Variants in TRIM37 observed in about 807,000 individuals in gnomAD.
The protein encoded by TRIM37 is E3 ubiquitin-protein ligase TRIM37.
TRIM37 carries 80 observed loss-of-function variants against 129.8 expected under a neutral mutation model. The observed-to-expected ratio is 0.62, with a 90% confidence interval of 0.51 to 0.74. The LOEUF (loss-of-function observed/expected upper bound fraction) is 0.74. Ranked by LOEUF, TRIM37 falls within the 30% of genes least tolerant of loss-of-function variation. The pLI is 0.00. For synonymous variants in TRIM37, 389 were observed against 387.1 expected (o/e 1.00, Z -0.06); for missense variants, 1,054 against 1,176.5 (o/e 0.90, Z 1.52).
chr17:58,980,226 T>G, downstream of TRIM37: 1 of 1,614,162 alleles, frequency 6.2e-7, no homozygotes, highest in Non-Finnish European at 8.5e-7. The surrounding 1 kb of genome is among the most constrained non-coding windows in gnomAD (Gnocchi z 4.7). Context: ...GTGGTATTCC[T>G]GAGGGACATG....
At chr17:58,988,358 C>A (rs2032018653) in intron 24 of TRIM37, among the ~76,000 whole-genome samples, 1 of 152,044 alleles carries the variant, frequency 6.6e-6, no homozygotes, top group Non-Finnish European at 1.5e-5. Flanking sequence ...AAGGAACTTA[C>A]CATACCCTTT....
chr17:59,065,705 C>A (rs2041869840), intron 9 of TRIM37, among the ~76,000 whole-genome samples: 1 of 152,178 alleles, frequency 6.6e-6, no homozygotes, highest in South Asian at 2.1e-4. Flanking sequence ...AACCATTTCA[C>A]CACATCTTCA....
At chr17:58,969,843 T>C in the TRIM37 span, 1 of 947,588 alleles carries the variant, frequency 1.1e-6, no homozygotes, top group Non-Finnish European at 1.6e-6. Context: ...ATCCAAACTG[T>C]ATTCTTGACT....
chr17:59,041,661 A>T (rs548750668), intron 17 of TRIM37, 152 bp downstream of exon 17: 1 of 624,456 alleles, frequency 1.6e-6, no homozygotes, highest in East Asian at 2.9e-5. Flanking sequence ...CTTTAGTAAT[A>T]AACTCTAAAA....
At chr17:59,072,566 G>A (rs1366524011) in intron 8 of TRIM37, among the ~76,000 whole-genome samples, 1 of 151,982 alleles carries the variant, frequency 6.6e-6, no homozygotes, top group Non-Finnish European at 1.5e-5. Flanking sequence ...TGGCCAACAT[G>A]GTGAAACCCC....
At position 59,101,156 on chromosome 17, in the gene TRIM37, G is replaced by A. The variant is rs563198090; in HGVS notation, c.123+3137C>T. 3.9e-5 allele frequency among the ~76,000 whole-genome samples: 6 copies of A among 152,240 alleles called. No homozygotes were observed. The South Asian group carries it at 1.2e-3, about 32-fold the overall frequency. On this transcript the variant is annotated intron_variant, in intron 2 of 23. Transcript: ENST00000262294. Reference sequence around the variant, plus strand: ...AGTAGGCAAGCAATCAATATTTGCTGAATGAATGAACAAATGATTAGTGCA... The same window carrying A: ...AGTAGGCAAGCAATCAATATTTGCTAAATGAATGAACAAATGATTAGTGCA...
intron 17 of TRIM37, 55 bp downstream of exon 17, chr17:59,041,758 G>T: frequency 7.7e-7 from 1 of 1,298,406 alleles, no homozygotes; most frequent in South Asian, 1.2e-5. Context: ...AATACAGTCA[G>T]AGAAGAGCAG....
intron 2 of TRIM37, among the ~76,000 whole-genome samples, chr17:59,102,465 A>T (rs1479505232): frequency 3.3e-5 from 5 of 152,234 alleles, no homozygotes; most frequent in African/African-American, 1.2e-4. Context: ...TTATTAAAAC[A>T]TGGGTAAGTG....
At chr17:59,035,029 T>A (rs900855992) in intron 17 of TRIM37, among the ~76,000 whole-genome samples, 3 of 152,168 alleles carry the variant, frequency 2.0e-5, no homozygotes, top group African/African-American at 4.8e-5. Context: ...TGGCTGTATA[T>A]AGAAGTATCT....
At chr17:59,063,486 C>A (rs1256939271) in intron 10 of TRIM37, among the ~76,000 whole-genome samples, 1 of 152,128 alleles carries the variant, frequency 6.6e-6, no homozygotes. Context: ...CCCAGTGTGG[C>A]CTTATTTTGA....
chr17:59,047,908 GAAT>G (rs1490234574), intron 15 of TRIM37, 89 bp from the exon 16 acceptor site: 6 of 1,496,184 alleles, frequency 4.0e-6, no homozygotes, highest in South Asian at 1.1e-5. Context: ...AAGCACCAAA[GAAT>G]AATACAGTTT....
At chr17:59,047,561 C>G in intron 16 of TRIM37, 122 bp downstream of exon 16, 1 of 995,234 alleles carries the variant, frequency 1.0e-6, no homozygotes, top group Non-Finnish European at 1.5e-6. Flanking sequence ...AGAGAGAAAA[C>G]TGACTATTGA....
chr17:59,037,196 T>TA (rs2145774086), intron 17 of TRIM37, among the ~76,000 whole-genome samples: 1 of 151,690 alleles, frequency 6.6e-6, no homozygotes, highest in Non-Finnish European at 1.5e-5. Context: ...ATAAGCATAT[T>TA]AAAAAAAAGC....
intron 17 of TRIM37, among the ~76,000 whole-genome samples, chr17:59,034,718 T>G (rs548886607): frequency 6.6e-6 from 1 of 152,214 alleles, no homozygotes; most frequent in African/African-American, 2.4e-5. Context: ...AGACTTTGGG[T>G]TGGCACTGAT....
At chr17:58,976,862 A>G in the TRIM37 span, among the ~76,000 whole-genome samples, 3 of 152,234 alleles carry the variant, frequency 2.0e-5, no homozygotes, top group Non-Finnish European at 4.4e-5. Flanking sequence ...AGTGTGACTC[A>G]GATCACATTT....
intron 12 of TRIM37, 137 bp from the exon 13 acceptor site, chr17:59,057,191 A>C: frequency 2.6e-6 from 2 of 761,744 alleles, no homozygotes; most frequent in Non-Finnish European, 2.1e-6. Flanking sequence ...TTCTTTTATC[A>C]TTTATAAAAA....
chr17:58,971,408 T>A, the TRIM37 span, among the ~76,000 whole-genome samples: 1 of 152,228 alleles, frequency 6.6e-6, no homozygotes, highest in Admixed American at 6.5e-5. Context: ...CATTTGGTGG[T>A]GACTCATGTC....
chr17:59,012,229 A>AG lies in TRIM37; in HGVS notation c.2695+98_2695+99insC, dbSNP rs3217009. The AG allele has an allele frequency of 3.2e-3, 2,267 of 707,122 alleles. 33 individuals are homozygous for AG. Among genetic ancestry groups the AG allele is most frequent in the African/African-American group, 0.029 (1,654 of 56,652 alleles). The allele number at this position is 707,122 out of a possible 1,614,324, so 43.8% of individuals were successfully genotyped here. A position where few individuals can be genotyped will look rare whatever the true frequency, so the allele number is the denominator to read the frequency against. ...TATCACTACCACCAGCAGCAGCAGCACCACCACCACCACCACCACCACCAC... is the reference window on the plus strand; with the variant it reads ...TATCACTACCACCAGCAGCAGCAGCAGCCACCACCACCACCACCACCACCAC... On this transcript the variant is annotated intron_variant, in intron 22 of 23. Transcript: ENST00000262294.
the TRIM37 span, among the ~76,000 whole-genome samples, chr17:58,976,650 C>T: frequency 6.6e-6 from 1 of 152,120 alleles, no homozygotes; most frequent in Non-Finnish European, 1.5e-5. Flanking sequence ...AGGATGTTGC[C>T]ATTTCTACGA....
Sources: allele counts gnomAD v4.1 joint callset (sites outside exome capture counted in the v4.1 genomes callset), GRCh38; gene constraint gnomAD v4.1.1; non-coding constraint Gnocchi (gnomAD v3.1); transcripts MANE v1.5; gene names NCBI Gene and HGNC (gene_info 2026-07-23, HGNC 2026-07-21).